Variants in PDZD2 observed in about 807,000 individuals in gnomAD.
PDZD2 encodes PDZ domain-containing protein 2.
In PDZD2, 90 loss-of-function variants were observed where a neutral mutation model predicts 220.7. That is an observed-to-expected ratio of 0.41 (90% confidence interval 0.34 to 0.49). The LOEUF is 0.49. Among genes scored for constraint, PDZD2 ranks in the 20% least tolerant of loss-of-function variants. The pLI is 0.28. For synonymous variants in PDZD2, 1,375 were observed against 1,450.5 expected, an observed-to-expected ratio of 0.95 and a Z score of 1.18; for missense variants, 3,174 against 3,608.5, an observed-to-expected ratio of 0.88 and a Z score of 3.08.
chr5:31,823,054 T>A, intron 2 of PDZD2: 1 of 1,100,794 alleles, frequency 9.1e-7, no homozygotes. Flanking sequence ...TCTGGGGCCC[T>A]TCACAATAAC....
intron 2 of PDZD2, among the ~76,000 whole-genome samples, chr5:31,916,786 T>C (rs1293457692): frequency 1.3e-5 from 2 of 152,160 alleles, no homozygotes; most frequent in African/African-American, 2.4e-5. Flanking sequence ...AGGTAAAAAT[T>C]AGTGTCCAGA....
chr5:31,939,963 C>A (rs1278290375), intron 2 of PDZD2, among the ~76,000 whole-genome samples: 1 of 152,210 alleles, frequency 6.6e-6, no homozygotes, highest in Non-Finnish European at 1.5e-5. Context: ...GTGACCATGT[C>A]TATAAAAGGG....
At position 31,899,128 on chromosome 5, in the gene PDZD2, CTTTG is replaced by C. The variant is rs569808928; in HGVS notation, c.477-84015_477-84012del. ...AGGTGTGAACCACCGCGCCTGGCCT[CTTTG>C]TTTGTTTGTTTTGAGATGGAGTTTT... On this transcript the variant is annotated intron_variant, in intron 2 of 24. Transcript: ENST00000438447. Among the ~76,000 whole-genome samples the C allele has an allele frequency of 3.9e-3, 590 of 149,964 alleles. 5 individuals carry two copies. Among genetic ancestry groups the C allele is most frequent in the African/African-American group, 0.011 (468 of 40,770 alleles).
chr5:31,711,851 G>A (rs184116653), intron 1 of PDZD2, among the ~76,000 whole-genome samples: 176 of 152,318 alleles, frequency 1.2e-3, no homozygotes, highest in African/African-American at 3.6e-3. Flanking sequence ...TGCAGCTCTC[G>A]AAGTCACCAG....
At chr5:31,930,004 C>T (rs555061272) in intron 2 of PDZD2, among the ~76,000 whole-genome samples, 1 of 152,120 alleles carries the variant, frequency 6.6e-6, no homozygotes, top group Non-Finnish European at 1.5e-5. Flanking sequence ...TCTGGGACCT[C>T]TCCCCTCTAG....
intron 3 of PDZD2, among the ~76,000 whole-genome samples, chr5:31,992,336 G>T (rs1016885445): frequency 1.4e-4 from 22 of 152,144 alleles, no homozygotes; most frequent in African/African-American, 5.1e-4. Flanking sequence ...TGTTTTGCAT[G>T]ACTTTATTTT....
At chr5:31,857,323 GTTA>G (rs975396666) in intron 2 of PDZD2, among the ~76,000 whole-genome samples, 1 of 152,158 alleles carries the variant, frequency 6.6e-6, no homozygotes, top group Non-Finnish European at 1.5e-5. Context: ...TCCTCTCACT[GTTA>G]TTATGAGAAT....
chr5:31,883,960 C>T (rs1021906408), intron 2 of PDZD2, among the ~76,000 whole-genome samples: 6 of 152,140 alleles, frequency 3.9e-5, no homozygotes, highest in African/African-American at 1.2e-4. Context: ...CGCATGTTAT[C>T]CCAGCACTTT....
intron 1 of PDZD2, among the ~76,000 whole-genome samples, chr5:31,702,074 C>T (rs1344740043): frequency 6.6e-6 from 1 of 152,222 alleles, no homozygotes; most frequent in East Asian, 1.9e-4. Context: ...CAGTGATTTG[C>T]TGGCTGTCTC....
At chr5:31,856,037 G>T (rs62360856) in intron 2 of PDZD2, among the ~76,000 whole-genome samples, 4 of 152,130 alleles carry the variant, frequency 2.6e-5, no homozygotes, top group Admixed American at 1.3e-4. Flanking sequence ...GCTGAGTTTG[G>T]TATCATAAGG....
chr5:31,897,038 T>G (rs1281612624), intron 2 of PDZD2, among the ~76,000 whole-genome samples: 2 of 151,850 alleles, frequency 1.3e-5, no homozygotes, highest in African/African-American at 4.8e-5. Flanking sequence ...TAAATGTTAC[T>G]CAAATGAGAT....
chr5:31,931,534 G>A (rs978442075), intron 2 of PDZD2, among the ~76,000 whole-genome samples: 11 of 152,138 alleles, frequency 7.2e-5, no homozygotes, highest in Admixed American at 1.3e-4. Context: ...AGGAGTTGAG[G>A]GTCTGAGCTC....
chr5:31,690,343 T>C (rs989723992), intron 1 of PDZD2, among the ~76,000 whole-genome samples: 1 of 152,002 alleles, frequency 6.6e-6, no homozygotes, highest in African/African-American at 2.4e-5. Flanking sequence ...CTGTGCATGC[T>C]CAGGATGTGC....
At chr5:31,751,032 C>T (rs1282702857) in intron 1 of PDZD2, among the ~76,000 whole-genome samples, 2 of 152,100 alleles carry the variant, frequency 1.3e-5, no homozygotes, top group African/African-American at 2.4e-5. Flanking sequence ...CACCTGAGGT[C>T]AGGAGTTTGA....
intron 1 of PDZD2, among the ~76,000 whole-genome samples, chr5:31,711,879 G>T (rs924492816): frequency 6.6e-6 from 1 of 152,238 alleles, no homozygotes; most frequent in Non-Finnish European, 1.5e-5. Context: ...AGGAGGGGGA[G>T]TTTGCCCTTT....
chr5:31,781,420 GCAA>G (rs1561455022), intron 1 of PDZD2, among the ~76,000 whole-genome samples: 1 of 152,102 alleles, frequency 6.6e-6, no homozygotes, highest in Non-Finnish European at 1.5e-5. Flanking sequence ...TCTCAAAAAA[GCAA>G]CAACAACAAC....
At position 32,109,203 on chromosome 5, in the gene PDZD2, G is replaced by A. The variant is rs1288010207; in HGVS notation, c.*1068G>A. On this transcript the variant is annotated 3_prime_UTR_variant, in exon 25 of 25. Transcript: ENST00000438447. ...CTTAATGGAATCCTTTTAGGAGACT[G>A]GTTGGTTTTTTTCCCTCTTTCCCAA... The A allele has an allele frequency of 6.6e-6, 1 of 151,964 alleles. No individual in the cohort carries two copies. The highest frequency in any genetic ancestry group is 2.4e-5 in the African/African-American group (1 of 41,286). The allele number at this position is 151,964 out of a possible 1,614,324, so 9.4% of individuals were successfully genotyped here. A position where few individuals can be genotyped will look rare whatever the true frequency, so the allele number is the denominator to read the frequency against.
At chr5:31,688,517 G>A (rs750248214) in intron 1 of PDZD2, among the ~76,000 whole-genome samples, 4 of 152,140 alleles carry the variant, frequency 2.6e-5, no homozygotes, top group Non-Finnish European at 5.9e-5. Context: ...CAAAACCCAC[G>A]GGGTCAGGTG....
chr5:31,866,433 C>T (rs567459678), intron 2 of PDZD2, among the ~76,000 whole-genome samples: 10 of 152,240 alleles, frequency 6.6e-5, no homozygotes, highest in African/African-American at 1.7e-4. Flanking sequence ...GCTGTCGGCC[C>T]GGGCATCTGA....
Sources: allele counts gnomAD v4.1 joint callset (sites outside exome capture counted in the v4.1 genomes callset), GRCh38; gene constraint gnomAD v4.1.1; transcripts MANE v1.5; gene names NCBI Gene and HGNC (gene_info 2026-07-23, HGNC 2026-07-21).